C6: variants seen among roughly 807,000 people sequenced by gnomAD.
C6 encodes complement C6.
A neutral mutation model predicts 112.9 loss-of-function variants in C6; 101 were observed. That is an observed-to-expected ratio of 0.89 (90% CI 0.76 to 1.06). The LOEUF (loss-of-function observed/expected upper bound fraction) is 1.06, where lower values mean the gene tolerates loss of function less well. Among genes scored for constraint, C6 ranks in the 50% least tolerant of loss-of-function variants. The pLI is 0.00. For missense variants in C6, 1,202 were observed against 1,104.6 expected (o/e 1.09, Z -1.25); for synonymous variants, 431 against 384.1 (o/e 1.12, Z -1.43).
intron 1 of C6, among the ~76,000 whole-genome samples, chr5:41,209,474 A>G (rs1751716449): frequency 3.3e-5 from 5 of 152,336 alleles, no homozygotes. Flanking sequence ...AGAAAATCTC[A>G]TCATCTCAGT....
intron 6 of C6, among the ~76,000 whole-genome samples, chr5:41,185,587 AC>A (rs1346693830): frequency 1.3e-5 from 2 of 152,190 alleles, no homozygotes; most frequent in African/African-American, 2.4e-5. Context: ...AACCAAACCA[AC>A]TAATAAAATA....
intron 1 of C6, among the ~76,000 whole-genome samples, chr5:41,254,472 C>T (rs1741560967): frequency 6.6e-6 from 1 of 152,118 alleles, no homozygotes. Context: ...AATAGAGTTT[C>T]TACAGAAGTA....
chr5:41,156,236 T>C (rs567679380), intron 13 of C6, among the ~76,000 whole-genome samples: 1 of 152,312 alleles, frequency 6.6e-6, no homozygotes, highest in East Asian at 1.9e-4. Context: ...TCTTGTATCC[T>C]CAACACCTTC....
At chr5:41,253,964 C>T (rs1741521407) in intron 1 of C6, among the ~76,000 whole-genome samples, 1 of 152,052 alleles carries the variant, frequency 6.6e-6, no homozygotes, top group Admixed American at 6.5e-5. Flanking sequence ...AAGTATAGAT[C>T]CCAACCTTAA....
At chr5:41,152,033 G>T (rs779184944) in intron 15 of C6, among the ~76,000 whole-genome samples, 2 of 152,002 alleles carry the variant, frequency 1.3e-5, no homozygotes, top group East Asian at 3.9e-4. Flanking sequence ...AGGAAGGATG[G>T]AAGGAAGAAG....
chr5:41,186,418 T>C lies in C6; in HGVS notation c.588-210A>G, dbSNP rs2150335091. ...CCCAAACTCAGCTTCTCTGGCTCTA[T>C]TAGGTTCTCCTATTCCACTTACTTA... On this transcript the variant is annotated intron_variant, in intron 5 of 17. Transcript: ENST00000337836. 4 of 580,496 alleles carry C rather than the reference T, an allele frequency of 6.9e-6. No individual in the cohort carries two copies. The East Asian group carries it at 1.2e-4, about 17-fold the overall frequency. 36.0% of individuals were successfully genotyped at this position (580,496 alleles called of 1,614,324 possible).
chr5:41,160,439 C>A, intron 10 of C6, 72 bp from the exon 11 acceptor site: 1 of 1,169,442 alleles, frequency 8.6e-7, no homozygotes, highest in Non-Finnish European at 1.3e-6. Flanking sequence ...CTGCCCAGTT[C>A]TCTGAAATGA....
intron 15 of C6, chr5:41,153,154 G>T (rs1293709898): frequency 6.6e-6 from 1 of 152,266 alleles, no homozygotes; most frequent in Non-Finnish European, 1.5e-5. Flanking sequence ...ACCTCACAGT[G>T]TCGGGTTTTA....
At chr5:41,235,077 G>A (rs199835323) in intron 1 of C6, among the ~76,000 whole-genome samples, 27 of 132,786 alleles carry the variant, frequency 2.0e-4, no homozygotes, top group Admixed American at 1.2e-3. Flanking sequence ...TTTTTTTAAT[G>A]TTTTTTTTTT....
intron 8 of C6, among the ~76,000 whole-genome samples, chr5:41,174,360 T>A (rs1472235699): frequency 6.6e-6 from 1 of 152,170 alleles, no homozygotes; most frequent in Non-Finnish European, 1.5e-5. Flanking sequence ...AATGAGTATT[T>A]CAGTAATGTC....
At chr5:41,228,831 G>T (rs1739694553) in intron 1 of C6, among the ~76,000 whole-genome samples, 1 of 152,114 alleles carries the variant, frequency 6.6e-6, no homozygotes, top group African/African-American at 2.4e-5. Context: ...GTGAATGATT[G>T]TTTAAACATA....
At chr5:41,178,982 T>C (rs1749097276) in intron 7 of C6, among the ~76,000 whole-genome samples, 1 of 152,134 alleles carries the variant, frequency 6.6e-6, no homozygotes. Context: ...GCCTCCTGAG[T>C]AGCTGGGATC....
At chr5:41,207,860 G>C (rs1451637175) in intron 1 of C6, among the ~76,000 whole-genome samples, 1 of 152,152 alleles carries the variant, frequency 6.6e-6, no homozygotes, top group African/African-American at 2.4e-5. Flanking sequence ...ATTGAACTCA[G>C]CTCTGCACCA....
intron 1 of C6, chr5:41,203,543 A>G (rs1005018535): frequency 2.7e-6 from 1 of 372,418 alleles, no homozygotes. Context: ...AATCCATTTC[A>G]TTCCAAAAAG....
intron 1 of C6, among the ~76,000 whole-genome samples, chr5:41,218,887 C>T (rs1738993183): frequency 6.6e-6 from 1 of 152,210 alleles, no homozygotes; most frequent in Admixed American, 6.6e-5. Flanking sequence ...AATACTGTCC[C>T]TGTGAAACTC....
chr5:41,210,114 G>A (rs145283331), intron 1 of C6, among the ~76,000 whole-genome samples: 9,437 of 152,220 alleles, frequency 0.062, 389 homozygotes, highest in African/African-American at 0.12. Context: ...CAAGCAATGG[G>A]GAAAGGATTC....
chr5:41,251,192 G>A (rs910298639), intron 1 of C6, among the ~76,000 whole-genome samples: 1 of 152,082 alleles, frequency 6.6e-6, no homozygotes, highest in Non-Finnish European at 1.5e-5. Flanking sequence ...ATTGAATCAG[G>A]TTTACATGCA....
chr5:41,201,046 C>T (rs1347059297), intron 3 of C6, among the ~76,000 whole-genome samples: 1 of 151,618 alleles, frequency 6.6e-6, no homozygotes, highest in Admixed American at 6.6e-5. Context: ...ATAAATTTGT[C>T]TCATGAACAA....
chr5:41,260,585 C>T (rs531595083), intron 1 of C6, among the ~76,000 whole-genome samples: 17 of 151,888 alleles, frequency 1.1e-4, no homozygotes, highest in African/African-American at 3.6e-4. Context: ...GCCTGACCAA[C>T]ACGGAGAAAC....
Sources: allele counts gnomAD v4.1 joint callset (sites outside exome capture counted in the v4.1 genomes callset), GRCh38; gene constraint gnomAD v4.1.1; transcripts MANE v1.5; gene names NCBI Gene and HGNC (gene_info 2026-07-23, HGNC 2026-07-21).